The following CSNK1G2 variants were observed in gnomAD, a reference collection of about 807,000 sequenced individuals.
CSNK1G2 encodes the protein casein kinase 1 gamma 2.
Under a neutral mutation model 48.0 loss-of-function variants are expected in CSNK1G2, and 11 were observed. The ratio of observed to expected loss-of-function variants is 0.23; its 90% confidence interval spans 0.14 to 0.38. CSNK1G2 has a LOEUF of 0.38. Among genes scored for constraint, CSNK1G2 ranks in the 10% least tolerant of loss-of-function variants. CSNK1G2 has a pLI of 1.00. For synonymous variants in CSNK1G2, 337 were observed against 254.1 expected, an observed-to-expected ratio of 1.33 and a Z score of -3.10; for missense variants, 446 against 595.5, an observed-to-expected ratio of 0.75 and a Z score of 2.61.
At chr19:1,976,202 T>TA (rs753059902) in intron 2 of CSNK1G2, 16 of 890,068 alleles carry the variant, frequency 1.8e-5, no homozygotes, top group Non-Finnish European at 2.5e-5. Flanking sequence ...AATAACGTGT[T>TA]ACACTGGGGA....
chr19:1,979,626 T>C lies in CSNK1G2; in HGVS notation c.985T>C (p.Trp329Arg). The C allele has an allele frequency of 6.2e-7, 1 of 1,604,596 alleles. No individual in the cohort carries two copies. Among genetic ancestry groups the C allele is most frequent in the Non-Finnish European group, 8.5e-7 (1 of 1,179,838 alleles). ...SGFVFDYEYDWAGKPLPTPIG... is the reference protein window; with the variant it reads ...SGFVFDYEYDRAGKPLPTPIG... ...CTTCGTGTTCGACTATGAGTACGAC[T>C]GGGCCGGGAAGCCCCTGGTAGGTGG... is the stretch of plus-strand genomic sequence containing the variant. Residue 329 changes from tryptophan (W) to arginine (R), a missense_variant, in exon 9 of 12, where the codon TGG (tryptophan) becomes CGG (arginine). Physicochemically the swap from Trp to Arg is moderately radical, Grantham distance 101 (BLOSUM62 -3). This residue lies in a region of CSNK1G2 where 188 missense variants were observed against 179.6 expected (regional missense o/e 1.05). Transcript: ENST00000255641.
intron 1 of CSNK1G2, chr19:1,953,936 G>A (rs752235756): frequency 2.6e-5 from 14 of 533,716 alleles, no homozygotes; most frequent in Admixed American, 1.4e-4. Flanking sequence ...TGCAGTCGGC[G>A]CGGTGAGGTT....
At chr19:1,942,011 C>G (rs10417149) in intron 1 of CSNK1G2, among the ~76,000 whole-genome samples, 73 of 152,216 alleles carry the variant, frequency 4.8e-4, no homozygotes, top group African/African-American at 1.7e-3. Flanking sequence ...CAGCTGTGTC[C>G]CCGTCCTCAC....
chr19:1,976,297 C>T (rs1038075215), intron 2 of CSNK1G2, among the ~76,000 whole-genome samples: 1 of 152,044 alleles, frequency 6.6e-6, no homozygotes, highest in South Asian at 2.1e-4. Flanking sequence ...TTGCCCTGGT[C>T]CCTGGCTCAG....
intron 1 of CSNK1G2, among the ~76,000 whole-genome samples, chr19:1,944,355 T>C (rs1480674288): frequency 6.6e-6 from 1 of 152,106 alleles, no homozygotes; most frequent in Non-Finnish European, 1.5e-5. Flanking sequence ...TTCCTCATTC[T>C]GGAGTTCTCG....
At chr19:1,979,287 G>C (rs1292765109) in intron 7 of CSNK1G2, 32 bp from the exon 8 acceptor site, 8 of 1,575,946 alleles carry the variant, frequency 5.1e-6, no homozygotes, top group Non-Finnish European at 6.9e-6. Context: ...GGGACGCAGG[G>C]CGGGAGCAAG....
Position 1,978,154 on chromosome 19 carries a change from G to C in CSNK1G2, c.188-151G>C. ...AGGCCATGGTGCAGTGCTCTGGCAG[G>C]CTGGGCCCAGGCCCTGCTGCTGGGC... On this transcript the variant is annotated intron_variant, in intron 2 of 11. Coordinates refer to ENST00000255641, the MANE Select transcript of CSNK1G2 (RefSeq NM_001319.7). The surrounding 1 kb of genome is among the most constrained non-coding windows in gnomAD (Gnocchi z 7.3). 1.3e-6 allele frequency: 1 copy of C among 790,662 alleles called. No individual in the cohort carries two copies. Among genetic ancestry groups the C allele is most frequent in the Non-Finnish European group, 2.1e-6 (1 of 466,334 alleles). 49.0% of individuals were successfully genotyped at this position (790,662 alleles called of 1,614,324 possible). A position where few individuals can be genotyped will look rare whatever the true frequency, so the allele number is the denominator to read the frequency against.
rs531678900 is a variant in CSNK1G2, at chr19:1,955,320, C to T, written c.-266+13902C>T. 4.6e-4 allele frequency among the ~76,000 whole-genome samples: 69 copies of T among 151,462 alleles called. 1 individual carries two copies. The highest frequency in any genetic ancestry group is 1.3e-3 in the African/African-American group (53 of 41,054). The stretch of plus-strand genomic sequence containing the variant: ...CCTCCTGCTGCTGCTGCTGCTGCTG[C>T]GAGGGCCTCAGGCGCAGGCGGTGAC... On this transcript the variant is annotated intron_variant, in intron 1 of 11. Coordinates refer to ENST00000255641, the MANE Select transcript of CSNK1G2 (RefSeq NM_001319.7).
intron 2 of CSNK1G2, among the ~76,000 whole-genome samples, chr19:1,973,310 G>T (rs780760953): frequency 2.0e-5 from 3 of 151,992 alleles, no homozygotes; most frequent in Non-Finnish European, 4.4e-5. Flanking sequence ...TGCAACCTCC[G>T]CCTCCTGGGT....
intron 1 of CSNK1G2, among the ~76,000 whole-genome samples, chr19:1,946,264 TCG>T (rs2014552593): frequency 8.2e-6 from 1 of 122,572 alleles, no homozygotes; most frequent in African/African-American, 2.7e-5. Context: ...CACTATTTAT[TCG>T]TTTATTTATT....
intron 1 of CSNK1G2, among the ~76,000 whole-genome samples, chr19:1,947,995 G>T (rs2014625300): frequency 1.3e-5 from 2 of 152,070 alleles, no homozygotes. Flanking sequence ...TCTCCTTCCT[G>T]TGGGCGCACA....
chr19:1,943,435 G>T (rs1205935089), intron 1 of CSNK1G2, among the ~76,000 whole-genome samples: 1 of 152,156 alleles, frequency 6.6e-6, no homozygotes, highest in Non-Finnish European at 1.5e-5. Context: ...TGCCGATTTG[G>T]GTTTCTTCTT....
In CSNK1G2 at chr19:1,957,750, C is replaced by T. The variant is rs2015047271; in HGVS notation, c.-265-11758C>T. ...CGGCATTTGAGCAGCTGCCAGATCT[C>T]CCCTGGAAACACTGGGGTGTGTGCT... On this transcript the variant is annotated intron_variant, in intron 1 of 11. Transcript: ENST00000255641. The surrounding 1 kb of genome is among the most constrained non-coding windows in gnomAD (Gnocchi z 5.4). 6.6e-6 allele frequency among the ~76,000 whole-genome samples: 1 copy of T among 151,936 alleles called. No individual in the cohort carries two copies. Among genetic ancestry groups the T allele is most frequent in the Non-Finnish European group, 1.5e-5 (1 of 67,974 alleles).
At chr19:1,962,046 C>G (rs113548953) in intron 1 of CSNK1G2, among the ~76,000 whole-genome samples, 3,589 of 152,188 alleles carry the variant, frequency 0.024, 139 homozygotes, top group African/African-American at 0.083. Context: ...AAATTACACC[C>G]TGGCCAGGCG....
At chr19:1,966,165 T>C (rs1291634710) in intron 1 of CSNK1G2, among the ~76,000 whole-genome samples, 1 of 152,190 alleles carries the variant, frequency 6.6e-6, no homozygotes, top group African/African-American at 2.4e-5. Flanking sequence ...TGGAGAGCAA[T>C]TCCTCTGATG....
intron 11 of CSNK1G2, 32 bp from the exon 12 acceptor site, chr19:1,980,117 G>A (rs746355613): frequency 1.1e-5 from 18 of 1,611,984 alleles, no homozygotes; most frequent in East Asian, 4.5e-5. Flanking sequence ...CCTGCACCCC[G>A]GTCCTCCTAC....
At chr19:1,968,915 TG>T in intron 1 of CSNK1G2, 1 of 152,750 alleles carries the variant, frequency 6.5e-6, no homozygotes, top group Non-Finnish European at 1.5e-5. Context: ...GGTCAGGCCC[TG>T]GGGGCTCCTG....
chr19:1,960,924 C>A (rs568110571), intron 1 of CSNK1G2, among the ~76,000 whole-genome samples: 1 of 152,226 alleles, frequency 6.6e-6, no homozygotes, highest in South Asian at 2.1e-4. Context: ...ACGTTTCAGC[C>A]CCCTCTTCCT....
intron 1 of CSNK1G2, among the ~76,000 whole-genome samples, chr19:1,943,612 G>A (rs187533674): frequency 2.6e-5 from 4 of 152,092 alleles, no homozygotes; most frequent in Admixed American, 6.5e-5. Context: ...TGCCAGGCAC[G>A]GTTGGGAGGG....
Sources: gnomAD v4.1 joint callset for allele counts (sites outside exome capture counted in the v4.1 genomes callset) on GRCh38, gnomAD v4.1.1 for gene constraint, gnomAD v4.1.1 regional missense constraint, Gnocchi (gnomAD v3.1) non-coding constraint, MANE v1.5 for transcripts, NCBI Gene and HGNC (gene_info 2026-07-23, HGNC 2026-07-21) for gene names.